The following KIF16B variants were observed in gnomAD, a reference collection of about 807,000 sequenced individuals.
KIF16B encodes kinesin-like protein KIF16B.
A neutral mutation model predicts 156.3 loss-of-function variants in KIF16B; 98 were observed. The ratio of observed to expected loss-of-function variants is 0.63; its 90% CI spans 0.53 to 0.74. The LOEUF (loss-of-function observed/expected upper bound fraction) is 0.74, where lower values mean the gene tolerates loss of function less well. KIF16B is among the 30% of genes least tolerant of loss of function. KIF16B has a pLI of 0.00. For synonymous variants in KIF16B, 564 were observed against 583.7 expected (o/e 0.97, Z 0.49); for missense variants, 1,421 against 1,606.5 (o/e 0.88, Z 1.97).
chr20:16,306,999 C>T (rs2063550618), intron 25 of KIF16B, among the ~76,000 whole-genome samples: 1 of 152,160 alleles, frequency 6.6e-6, no homozygotes, highest in Admixed American at 6.5e-5. Flanking sequence ...GCTCCAAGGT[C>T]CACACTCTTA....
intron 23 of KIF16B, among the ~76,000 whole-genome samples, chr20:16,338,487 C>T (rs1268754531): frequency 6.6e-6 from 1 of 152,150 alleles, no homozygotes; most frequent in Non-Finnish European, 1.5e-5. Flanking sequence ...TTGGTAATTT[C>T]ATTAATCACC....
chr20:16,388,638 T>A lies in KIF16B; in HGVS notation c.1785-6891A>T, dbSNP rs886725654. Among the ~76,000 whole-genome samples the A allele has an allele frequency of 1.1e-4, 16 of 152,206 alleles. No homozygotes were observed. The East Asian group carries it at 1.7e-3, about 16-fold the overall frequency. On this transcript the variant is annotated intron_variant, in intron 17 of 25. Coordinates refer to ENST00000354981, the MANE Select transcript of KIF16B (RefSeq NM_024704.5). ...ATAGCATACAACCTATTTTTTTTTTTAAATCAGAGATAGCCTTTTCTTTTA... is the reference window on the plus strand; with the variant it reads ...ATAGCATACAACCTATTTTTTTTTTAAAATCAGAGATAGCCTTTTCTTTTA...
At chr20:16,418,851 C>G (rs993320841) in intron 15 of KIF16B, among the ~76,000 whole-genome samples, 5 of 152,124 alleles carry the variant, frequency 3.3e-5, no homozygotes, top group Non-Finnish European at 5.9e-5. Flanking sequence ...AATTCCTGTT[C>G]CCTTTCCCCC....
chr20:16,508,845 A>G (rs1168923686), intron 6 of KIF16B, among the ~76,000 whole-genome samples: 1 of 152,168 alleles, frequency 6.6e-6, no homozygotes, highest in East Asian at 1.9e-4. Context: ...GCAAAACCCA[A>G]AAGTGTTTTT....
intron 7 of KIF16B, among the ~76,000 whole-genome samples, chr20:16,506,940 TA>T (rs11323785): frequency 0.26 from 38,011 of 143,602 alleles, 5,094 homozygotes; most frequent in East Asian, 0.36. Context: ...AGAAAAAACT[TA>T]AAAAAAAAAA....
chr20:16,418,972 C>A (rs2066159434), intron 15 of KIF16B, among the ~76,000 whole-genome samples: 1 of 152,072 alleles, frequency 6.6e-6, no homozygotes, highest in Non-Finnish European at 1.5e-5. Flanking sequence ...TCCAAATTTA[C>A]AAACCTTGTC....
chr20:16,329,078 C>A (rs2063905344), intron 24 of KIF16B, among the ~76,000 whole-genome samples: 1 of 152,176 alleles, frequency 6.6e-6, no homozygotes, highest in South Asian at 2.1e-4. Flanking sequence ...CTCTTGGAAG[C>A]AGTAACTCTC....
At chr20:16,478,158 T>A (rs187005076) in intron 12 of KIF16B, among the ~76,000 whole-genome samples, 33 of 152,322 alleles carry the variant, frequency 2.2e-4, no homozygotes, top group Non-Finnish European at 4.0e-4. Context: ...ATTCACCTGA[T>A]GACAAGGGTC....
chr20:16,497,495 G>A (rs550813516), intron 11 of KIF16B, 118 bp downstream of exon 11: 123 of 736,572 alleles, frequency 1.7e-4, no homozygotes, highest in Middle Eastern at 2.9e-4. Flanking sequence ...CAACGAGGGA[G>A]GAGGCTAAGT....
intron 15 of KIF16B, among the ~76,000 whole-genome samples, chr20:16,422,942 C>G (rs1464053021): frequency 1.3e-5 from 2 of 152,042 alleles, no homozygotes; most frequent in South Asian, 4.2e-4. Flanking sequence ...TAAAAAGACA[C>G]TCCAATGAAA....
At chr20:16,519,685 C>T (rs2069264816) in intron 3 of KIF16B, among the ~76,000 whole-genome samples, 1 of 152,268 alleles carries the variant, frequency 6.6e-6, no homozygotes, top group Admixed American at 6.5e-5. Context: ...TGCATGGACA[C>T]ATTTCAAACT....
intron 25 of KIF16B, among the ~76,000 whole-genome samples, chr20:16,310,132 G>A (rs1042658962): frequency 6.6e-6 from 1 of 152,204 alleles, no homozygotes; most frequent in African/African-American, 2.4e-5. Context: ...TCAACATTAG[G>A]TGAAATGCAT....
At chr20:16,431,870 TATATAC>T (rs1247978215) in intron 12 of KIF16B, among the ~76,000 whole-genome samples, 27 of 143,152 alleles carry the variant, frequency 1.9e-4, no homozygotes, top group African/African-American at 6.3e-4. Flanking sequence ...TGTATATATA[TATATAC>T]ATATATATAT....
At chr20:16,296,203 G>A (rs988107504) in intron 25 of KIF16B, among the ~76,000 whole-genome samples, 2 of 152,190 alleles carry the variant, frequency 1.3e-5, no homozygotes, top group African/African-American at 2.4e-5. Context: ...GAACAAGGCA[G>A]GCAAGCCACC....
intron 9 of KIF16B, among the ~76,000 whole-genome samples, 176 bp downstream of exon 9, chr20:16,505,546 A>G (rs2295114): frequency 0.24 from 36,229 of 152,206 alleles, 4,949 homozygotes; most frequent in East Asian, 0.36. Context: ...TAATGATGAT[A>G]CTATAGACTG....
chr20:16,552,536 A>T (rs1295315474), intron 1 of KIF16B, among the ~76,000 whole-genome samples: 1 of 152,130 alleles, frequency 6.6e-6, no homozygotes, highest in Non-Finnish European at 1.5e-5. Flanking sequence ...TGATGCCACA[A>T]GTCTGTTAGA....
chr20:16,396,496 T>A (rs2065504967), intron 17 of KIF16B, among the ~76,000 whole-genome samples: 1 of 151,778 alleles, frequency 6.6e-6, no homozygotes. Context: ...GTAAAAGATA[T>A]AAAATATAAA....
chr20:16,341,444 G>A (rs1374697863), intron 23 of KIF16B, among the ~76,000 whole-genome samples: 1 of 152,172 alleles, frequency 6.6e-6, no homozygotes, highest in Non-Finnish European at 1.5e-5. Flanking sequence ...ATTAATGACA[G>A]AGAGGGGACT....
chr20:16,400,737 A>G (rs1234544110), intron 17 of KIF16B, among the ~76,000 whole-genome samples: 1 of 152,246 alleles, frequency 6.6e-6, no homozygotes, highest in Non-Finnish European at 1.5e-5. Context: ...AACCAAAGAC[A>G]TTATGCTAAG....
Sources: gnomAD v4.1 joint callset for allele counts (sites outside exome capture counted in the v4.1 genomes callset) on GRCh38, gnomAD v4.1.1 for gene constraint, MANE v1.5 for transcripts, NCBI Gene and HGNC (gene_info 2026-07-23, HGNC 2026-07-21) for gene names.